The following UTRN variants were observed in gnomAD, a reference collection of about 807,000 sequenced individuals.
The protein encoded by UTRN is utrophin.
A neutral mutation model predicts 463.9 loss-of-function variants in UTRN; 283 were observed. That is an observed-to-expected ratio of 0.61 (90% CI 0.55 to 0.67). The LOEUF is 0.67. Ranked by LOEUF, UTRN falls within the 30% of genes least tolerant of loss-of-function variation. The pLI, the probability that UTRN is intolerant of heterozygous loss-of-function variation, is 0.00. For missense variants in UTRN, 3,922 were observed against 4,084.3 expected, an observed-to-expected ratio of 0.96 and a Z score of 1.08; for synonymous variants, 1,442 against 1,431.5, an observed-to-expected ratio of 1.01 and a Z score of -0.17.
chr6:144,772,001 A>C (rs778428889), intron 59 of UTRN, 33 bp downstream of exon 59: 10 of 1,038,192 alleles, frequency 9.6e-6, no homozygotes, highest in Non-Finnish European at 8.1e-6. Flanking sequence ...AATTAACCTA[A>C]ACAACTGAGA....
chr6:144,815,623 C>A (rs1408994743), intron 65 of UTRN, among the ~76,000 whole-genome samples: 1 of 152,192 alleles, frequency 6.6e-6, no homozygotes, highest in Non-Finnish European at 1.5e-5. Flanking sequence ...AAGCTTCCAG[C>A]ACGGAAAAAG....
chr6:144,741,059 G>C (rs941951333), intron 54 of UTRN, among the ~76,000 whole-genome samples: 1 of 152,168 alleles, frequency 6.6e-6, no homozygotes. Context: ...CTTATGTTTT[G>C]TGATTGTTGT....
intron 23 of UTRN, among the ~76,000 whole-genome samples, chr6:144,467,116 C>T (rs1284844493): frequency 6.6e-5 from 10 of 152,250 alleles, no homozygotes; most frequent in Non-Finnish European, 8.8e-5. Context: ...GCCCTCCCTG[C>T]ATCTCCACTG....
intron 39 of UTRN, among the ~76,000 whole-genome samples, chr6:144,518,776 A>G (rs1258986134): frequency 1.3e-5 from 2 of 152,216 alleles, no homozygotes; most frequent in Non-Finnish European, 2.9e-5. Flanking sequence ...TAAAAGTACT[A>G]ATATATACTA....
At chr6:144,590,725 C>T (rs1262585482) in intron 51 of UTRN, among the ~76,000 whole-genome samples, 1 of 152,052 alleles carries the variant, frequency 6.6e-6, no homozygotes. Context: ...TAAATTCAAA[C>T]AGTTCTGGCT....
intron 2 of UTRN, among the ~76,000 whole-genome samples, chr6:144,386,738 G>T (rs1781452939): frequency 6.6e-6 from 1 of 151,790 alleles, no homozygotes; most frequent in East Asian, 1.9e-4. Context: ...TATTTATCTT[G>T]GACAAAGGAT....
chr6:144,406,710 G>A (rs1270881392), intron 3 of UTRN, among the ~76,000 whole-genome samples: 1 of 152,138 alleles, frequency 6.6e-6, no homozygotes, highest in Non-Finnish European at 1.5e-5. Flanking sequence ...CTTCTAAAGG[G>A]TAAACCTGAA....
intron 51 of UTRN, among the ~76,000 whole-genome samples, chr6:144,676,190 G>A (rs1171343300): frequency 6.6e-6 from 1 of 151,874 alleles, no homozygotes; most frequent in Non-Finnish European, 1.5e-5. Context: ...TAGATTAAGG[G>A]CAAGTAAAGT....
At chr6:144,315,753 A>T (rs935206701) in intron 2 of UTRN, among the ~76,000 whole-genome samples, 2 of 152,148 alleles carry the variant, frequency 1.3e-5, no homozygotes, top group Admixed American at 6.5e-5. Flanking sequence ...TCGTGCCTTT[A>T]TGCAGTGGAC....
intron 50 of UTRN, among the ~76,000 whole-genome samples, chr6:144,574,584 GTTGT>G (rs1178671804): frequency 4.6e-5 from 7 of 151,318 alleles, no homozygotes; most frequent in African/African-American, 1.2e-4. Flanking sequence ...TTTTTTTGTT[GTTGT>G]TTGTTTGTTT....
intron 7 of UTRN, 117 bp from the exon 8 acceptor site, chr6:144,428,661 C>A: frequency 1.8e-6 from 1 of 546,488 alleles, no homozygotes; most frequent in South Asian, 3.3e-5. Flanking sequence ...TAAAAATAAA[C>A]TCAAAAAAAC....
chr6:144,697,665 A>G (rs987433483), intron 52 of UTRN, among the ~76,000 whole-genome samples: 1 of 152,226 alleles, frequency 6.6e-6, no homozygotes, highest in African/African-American at 2.4e-5. Flanking sequence ...GATGCAGAGA[A>G]GCACACATAT....
chr6:144,651,056 TAA>T (rs1322767266), intron 51 of UTRN, among the ~76,000 whole-genome samples: 1 of 151,928 alleles, frequency 6.6e-6, no homozygotes, highest in Non-Finnish European at 1.5e-5. Context: ...AGAAATATTT[TAA>T]AATATCATAC....
chr6:144,368,242 T>C (rs1162449854), intron 2 of UTRN, among the ~76,000 whole-genome samples: 1 of 152,232 alleles, frequency 6.6e-6, no homozygotes, highest in Non-Finnish European at 1.5e-5. Flanking sequence ...CATTGATTTC[T>C]TCAGTTTCTT....
rs78971596 is a variant in UTRN, at chr6:144,440,425, A to T, written c.1466A>T (p.Glu489Val). 3.7e-6 allele frequency: 6 copies of T among 1,614,094 alleles called. No individual in the cohort carries two copies. Among genetic ancestry groups the T allele is most frequent in the Non-Finnish European group, 5.1e-6 (6 of 1,180,052 alleles). Residue 489 changes from glutamate to valine, a missense_variant, in exon 13 of 75, where the codon GAA becomes GTA. Physicochemically the swap from Glu to Val is moderately radical, Grantham distance 121. Around this residue, in one of 3 missense-constraint regions of UTRN, gnomAD observed 2,349 missense variants for 2,303.8 expected, o/e 1.02. Coordinates refer to ENST00000367545, the MANE Select transcript of UTRN (RefSeq NM_007124.3). The part of the protein sequence containing the change: ...SLTHMVVIVD[E>V]NSGESATAIL... ...ACTCACATGGTGGTCATTGTTGATG[A>T]AAACAGTGGTGAGAGTGCTACAGCT...
At chr6:144,694,971 G>A (rs1280755409) in intron 52 of UTRN, among the ~76,000 whole-genome samples, 1 of 126,454 alleles carries the variant, frequency 7.9e-6, no homozygotes, top group Non-Finnish European at 1.6e-5. Context: ...TCTGCAGGTG[G>A]CCTTTTTTTT....
intron 2 of UTRN, among the ~76,000 whole-genome samples, chr6:144,345,913 C>G (rs898412497): frequency 1.3e-5 from 2 of 152,170 alleles, no homozygotes; most frequent in African/African-American, 2.4e-5. Context: ...GGCGGTGGCT[C>G]ACGCCTGTAA....
At chr6:144,479,731 G>A in intron 25 of UTRN, 81 bp from the exon 26 acceptor site, 1 of 1,484,516 alleles carries the variant, frequency 6.7e-7, no homozygotes. Context: ...TTATTACTGT[G>A]CCTTTAAATA....
In UTRN at chr6:144,356,137, A is replaced by G. The variant is rs116175375; in HGVS notation, c.80-46986A>G. Among the ~76,000 whole-genome samples the G allele has an allele frequency of 3.0e-3, 463 of 152,228 alleles. 3 individuals carry two copies. The highest frequency in any genetic ancestry group is 0.01 in the African/African-American group (426 of 41,538). ...AACATTCATTTAATCTATCTGTAGT[A>G]CTCCATATGAATGACAATCATTACT... On this transcript the variant is annotated intron_variant, in intron 2 of 74. Transcript: ENST00000367545.
Sources: allele counts gnomAD v4.1 joint callset (sites outside exome capture counted in the v4.1 genomes callset), GRCh38; gene constraint gnomAD v4.1.1; regional missense constraint gnomAD v4.1.1; transcripts MANE v1.5; gene names NCBI Gene and HGNC (gene_info 2026-07-23, HGNC 2026-07-21).